SLIT3: variants seen among roughly 807,000 people sequenced by gnomAD.
SLIT3 encodes the protein slit guidance ligand 3, also known as slit homolog 3 protein.
A neutral mutation model predicts 184.0 loss-of-function variants in SLIT3; 68 were observed. That is an observed-to-expected ratio of 0.37 (90% CI 0.30 to 0.45). The LOEUF is 0.45. Among genes scored for constraint, SLIT3 ranks in the 20% least tolerant of loss-of-function variants. SLIT3 has a pLI of 1.00. For synonymous variants in SLIT3, 831 were observed against 828.6 expected (o/e 1.00, Z -0.05); for missense variants, 1,707 against 2,026.0 (o/e 0.84, Z 3.02).
chr5:168,875,424 G>A (rs959035227), intron 5 of SLIT3, among the ~76,000 whole-genome samples: 1 of 152,120 alleles, frequency 6.6e-6, no homozygotes, highest in African/African-American at 2.4e-5. Flanking sequence ...CTGAGGTCAG[G>A]AGTCCGAGAC....
At chr5:169,191,893 T>A (rs1176882515) in intron 4 of SLIT3, among the ~76,000 whole-genome samples, 2 of 152,168 alleles carry the variant, frequency 1.3e-5, no homozygotes, top group Non-Finnish European at 2.9e-5. Context: ...CCACATAAAG[T>A]CGTCCAGCAT....
At chr5:168,700,797 G>T (rs553454561) in intron 26 of SLIT3, 118 bp from the exon 27 acceptor site, 13 of 730,156 alleles carry the variant, frequency 1.8e-5, no homozygotes, top group Non-Finnish European at 3.1e-5. Flanking sequence ...TGACAACAAG[G>T]AGCCCCTAGG....
intron 4 of SLIT3, chr5:169,037,687 G>C (rs189241193): frequency 6.6e-6 from 1 of 152,210 alleles, no homozygotes; most frequent in Admixed American, 6.5e-5. Context: ...ACAGGCTCTC[G>C]CTCACCGGGA....
intron 4 of SLIT3, among the ~76,000 whole-genome samples, chr5:169,081,147 C>T (rs1759026601): frequency 6.6e-6 from 1 of 152,192 alleles, no homozygotes; most frequent in South Asian, 2.1e-4. Context: ...GCCTGGCCCA[C>T]CAGGTGCCTG....
intron 14 of SLIT3, chr5:168,768,082 G>C (rs1755405524): frequency 4.9e-6 from 2 of 406,700 alleles, no homozygotes; most frequent in African/African-American, 4.1e-5. Flanking sequence ...GCAGGTGGTG[G>C]GCTGCGGTGC....
chr5:168,745,490 C>A (rs1405421044), intron 20 of SLIT3, among the ~76,000 whole-genome samples: 1 of 151,986 alleles, frequency 6.6e-6, no homozygotes, highest in Non-Finnish European at 1.5e-5. Flanking sequence ...TGGCTCACTG[C>A]AACTTCTGCC....
chr5:168,683,974 T>C lies in SLIT3; in HGVS notation c.3678A>G (p.Thr1226=). The change falls in exon 32 of 36, where the codon ACA becomes ACG. Residue 1226 remains threonine (T), a synonymous_variant. Coordinates refer to ENST00000519560, the MANE Select transcript of SLIT3 (RefSeq NM_003062.4). ...GGGAGAGAGGCCCTTACCTGTACAC[T>C]GTGGTTGGAGGGGAACTCAGGCTGT... is the stretch of plus-strand genomic sequence containing the variant. ...VYDSLSSPPT[T]VYSVETVNDG... The C allele has an allele frequency of 1.3e-6, 2 of 1,581,920 alleles. No individual in the cohort carries two copies. Among genetic ancestry groups the C allele is most frequent in the African/African-American group, 1.4e-5 (1 of 73,642 alleles).
chr5:168,932,434 T>G (rs1473674109), intron 4 of SLIT3, among the ~76,000 whole-genome samples: 1 of 151,538 alleles, frequency 6.6e-6, no homozygotes, highest in Non-Finnish European at 1.5e-5. Flanking sequence ...TCTTTGTAAT[T>G]TTTCTCTTTC....
chr5:169,179,685 CAT>C (rs1491550104), intron 4 of SLIT3, among the ~76,000 whole-genome samples: 2 of 147,454 alleles, frequency 1.4e-5, no homozygotes, highest in African/African-American at 5.3e-5. Context: ...TGTGCATGAG[CAT>C]ATGTGTGTGT....
intron 5 of SLIT3, among the ~76,000 whole-genome samples, chr5:168,870,095 A>G (rs1026537591): frequency 6.6e-6 from 1 of 152,234 alleles, no homozygotes; most frequent in Non-Finnish European, 1.5e-5. Context: ...AAAGAGACCC[A>G]CATGTACCAT....
At chr5:168,683,924 CGGAGGAA>C (rs1761666707) in intron 32 of SLIT3, 35 bp downstream of exon 32, 6 of 1,417,184 alleles carry the variant, frequency 4.2e-6, no homozygotes, top group Non-Finnish European at 5.6e-6. Flanking sequence ...CAGAAGGATG[CGGAGGAA>C]CACACAGTGG....
At chr5:168,746,721 T>TGC (rs1754450213) in intron 20 of SLIT3, among the ~76,000 whole-genome samples, 1 of 68,402 alleles carries the variant, frequency 1.5e-5, no homozygotes, top group African/African-American at 6.8e-5. Context: ...GGTGTGGGTG[T>TGC]GGCGGTGTGT....
intron 3 of SLIT3, among the ~76,000 whole-genome samples, chr5:169,198,160 G>A (rs530018825): frequency 1.3e-5 from 2 of 152,162 alleles, no homozygotes; most frequent in Non-Finnish European, 1.5e-5. Flanking sequence ...ATACAAAAAT[G>A]AATAAGATAC....
chr5:169,036,623 G>T (rs188526746), intron 4 of SLIT3, among the ~76,000 whole-genome samples: 1 of 152,158 alleles, frequency 6.6e-6, no homozygotes. Context: ...GATGGGCTGT[G>T]TAACTCTATC....
chr5:168,803,994 C>T (rs1756861005), intron 9 of SLIT3, among the ~76,000 whole-genome samples: 1 of 150,734 alleles, frequency 6.6e-6, no homozygotes, highest in Non-Finnish European at 1.5e-5. Context: ...GGGAGAAATG[C>T]ATCAAGGGAG....
intron 4 of SLIT3, among the ~76,000 whole-genome samples, chr5:169,104,494 CA>C (rs1760132414): frequency 6.6e-6 from 1 of 152,204 alleles, no homozygotes; most frequent in African/African-American, 2.4e-5. Context: ...CAATTTCACA[CA>C]GGGGTCCTAT....
intron 4 of SLIT3, among the ~76,000 whole-genome samples, chr5:169,088,778 G>A (rs772896460): frequency 8.6e-5 from 13 of 151,996 alleles, no homozygotes; most frequent in Non-Finnish European, 1.9e-4. Context: ...CCAGCACTCT[G>A]GAAGGCTGAG....
chr5:168,934,036 G>A (rs191374020), intron 4 of SLIT3, among the ~76,000 whole-genome samples: 11 of 152,292 alleles, frequency 7.2e-5, no homozygotes, highest in East Asian at 3.9e-4. Flanking sequence ...CTAACAGGCC[G>A]TGGTGGCTCT....
rs143870520 is a variant in SLIT3 at position 168,799,718 on chromosome 5, C to A, written c.936-4140G>T. Among the ~76,000 whole-genome samples, 711 of 152,262 alleles carry A rather than the reference C, an allele frequency of 4.7e-3. 5 individuals carry two copies. The highest frequency in any genetic ancestry group is 0.016 in the African/African-American group (664 of 41,540). ...GTGGTGGTGGTGGTGATAATATGAA[C>A]ATTTACCATTTATTGAGGGCTTTTG... is the stretch of plus-strand genomic sequence containing the variant. On this transcript the variant is annotated intron_variant, in intron 9 of 35. Coordinates refer to ENST00000519560, the MANE Select transcript of SLIT3 (RefSeq NM_003062.4).
Sources: gnomAD v4.1 joint callset for allele counts (sites outside exome capture counted in the v4.1 genomes callset) on GRCh38, gnomAD v4.1.1 for gene constraint, MANE v1.5 for transcripts, NCBI Gene and HGNC (gene_info 2026-07-23, HGNC 2026-07-21) for gene names.